Variants in GPC6 observed in about 807,000 individuals in gnomAD.
GPC6 encodes the protein glypican-6.
In GPC6, 14 loss-of-function variants were observed where a neutral mutation model predicts 55.2. The ratio of observed to expected loss-of-function variants is 0.25; its 90% CI spans 0.17 to 0.40. The LOEUF is 0.40. GPC6 is among the 10% of genes least tolerant of loss of function. The pLI is 1.00. For missense variants in GPC6, 641 were observed against 708.5 expected (o/e 0.90, Z 1.08); for synonymous variants, 278 against 259.6 (o/e 1.07, Z -0.68).
At chr13:93,386,057 G>A (rs916372797) in intron 1 of GPC6, among the ~76,000 whole-genome samples, 2 of 149,220 alleles carry the variant, frequency 1.3e-5, no homozygotes, top group African/African-American at 5.0e-5. Flanking sequence ...CACCCTCACT[G>A]GGTAATCTGG....
intron 1 of GPC6, among the ~76,000 whole-genome samples, chr13:93,312,808 G>T (rs933062571): frequency 3.3e-5 from 5 of 152,088 alleles, no homozygotes; most frequent in Non-Finnish European, 7.4e-5. Flanking sequence ...ATTTTGCTTT[G>T]TTTAAAACCT....
At chr13:93,645,759 G>T (rs972153578) in intron 2 of GPC6, among the ~76,000 whole-genome samples, 4 of 152,144 alleles carry the variant, frequency 2.6e-5, no homozygotes, top group African/African-American at 9.7e-5. Context: ...TTGCTGGGAA[G>T]TAAATAATGG....
At chr13:93,431,672 G>A (rs957815540) in intron 1 of GPC6, among the ~76,000 whole-genome samples, 2 of 152,062 alleles carry the variant, frequency 1.3e-5, no homozygotes, top group Non-Finnish European at 2.9e-5. Flanking sequence ...CATCTCTGTG[G>A]AATGATCTGA....
intron 1 of GPC6, among the ~76,000 whole-genome samples, chr13:93,526,784 T>G (rs1296669043): frequency 6.6e-6 from 1 of 152,130 alleles, no homozygotes; most frequent in African/African-American, 2.4e-5. Flanking sequence ...ATCTGATAAA[T>G]TAAGTATGTT....
At chr13:94,070,050 G>A (rs371485780) in intron 4 of GPC6, among the ~76,000 whole-genome samples, 6 of 152,126 alleles carry the variant, frequency 3.9e-5, no homozygotes, top group African/African-American at 9.7e-5. Context: ...AGACATATCC[G>A]AGACTGGGCA....
intron 1 of GPC6, among the ~76,000 whole-genome samples, chr13:93,426,327 C>G (rs1341747435): frequency 2.0e-5 from 3 of 151,826 alleles, no homozygotes. Context: ...TGCTGGTGTG[C>G]TGCACCCATT....
At chr13:94,306,261 T>A (rs1402359869) in intron 6 of GPC6, 138 bp downstream of exon 6, 4 of 835,526 alleles carry the variant, frequency 4.8e-6, no homozygotes, top group Middle Eastern at 2.2e-4. Flanking sequence ...TTAATTAGAA[T>A]ATTGAAAAGT....
At chr13:93,368,088 C>G (rs1338931659) in intron 1 of GPC6, among the ~76,000 whole-genome samples, 1 of 152,098 alleles carries the variant, frequency 6.6e-6, no homozygotes, top group African/African-American at 2.4e-5. Flanking sequence ...CCTTTTGCTT[C>G]AAATACTTTT....
chr13:93,824,394 A>G (rs567822121), intron 2 of GPC6, among the ~76,000 whole-genome samples: 10 of 152,326 alleles, frequency 6.6e-5, no homozygotes, highest in African/African-American at 2.2e-4. Flanking sequence ...CTAATGTAGC[A>G]TGCTGGGCAT....
At position 93,720,804 on chromosome 13, in the gene GPC6, G is replaced by A. The variant is rs190921830; in HGVS notation, c.320-109350G>A. On this transcript the variant is annotated intron_variant, in intron 2 of 8. Coordinates refer to ENST00000377047, the MANE Select transcript of GPC6 (RefSeq NM_005708.5). Reference sequence around the variant, plus strand: ...TGGTTTCAAATAACTTATTTATTTCGGCCTTAATTTCATTATTTACCCGGT... The same window carrying A: ...TGGTTTCAAATAACTTATTTATTTCAGCCTTAATTTCATTATTTACCCGGT... Among the ~76,000 whole-genome samples, 683 of 151,572 alleles carry A rather than the reference G, an allele frequency of 4.5e-3. 6 individuals are homozygous for A. The highest frequency in any genetic ancestry group is 0.015 in the African/African-American group (627 of 41,392).
At chr13:94,168,215 A>G (rs1024637678) in intron 4 of GPC6, among the ~76,000 whole-genome samples, 1 of 152,130 alleles carries the variant, frequency 6.6e-6, no homozygotes, top group Non-Finnish European at 1.5e-5. Context: ...TTCTATGACA[A>G]CGTCATTCTT....
intron 1 of GPC6, among the ~76,000 whole-genome samples, chr13:93,268,376 G>C (rs1458257383): frequency 6.6e-6 from 1 of 152,158 alleles, no homozygotes; most frequent in African/African-American, 2.4e-5. Context: ...ATAGAAACAA[G>C]TCTTGAATAA....
chr13:93,941,936 C>T (rs1878757759), intron 3 of GPC6, among the ~76,000 whole-genome samples: 1 of 152,074 alleles, frequency 6.6e-6, no homozygotes. Context: ...TCAATTTTGA[C>T]TCTTATTATT....
At chr13:94,282,323 T>C (rs1892407201) in intron 4 of GPC6, among the ~76,000 whole-genome samples, 1 of 152,104 alleles carries the variant, frequency 6.6e-6, no homozygotes. Context: ...CTTCTTCACA[T>C]GGCAACGTAA....
chr13:93,707,112 A>T lies in GPC6; in HGVS notation c.320-123042A>T, dbSNP rs540704338. 2.4e-4 allele frequency among the ~76,000 whole-genome samples: 37 copies of T among 151,928 alleles called. 1 individual carries two copies. In the South Asian group the frequency reaches 7.3e-3, roughly 30 times the overall value. On this transcript the variant is annotated intron_variant, in intron 2 of 8. Transcript: ENST00000377047. ...GTAATTTTCTTCTTTATACTTACCT[A>T]TAATTTCAAATTTAAAAAAATCTAT...
chr13:94,312,716 G>A (rs895049306), intron 6 of GPC6, among the ~76,000 whole-genome samples: 6 of 112,102 alleles, frequency 5.4e-5, no homozygotes, highest in South Asian at 2.6e-4. Flanking sequence ...ACGCACACGC[G>A]CACGCACACA....
intron 1 of GPC6, among the ~76,000 whole-genome samples, chr13:93,312,248 G>A (rs556296284): frequency 6.6e-6 from 1 of 152,006 alleles, no homozygotes; most frequent in Admixed American, 6.6e-5. Flanking sequence ...TTTTTGAGCA[G>A]ATTTTCTCAT....
Position 93,693,676 on chromosome 13 carries a change from A to G in GPC6, c.320-136478A>G, listed in dbSNP as rs145353107. On this transcript the variant is annotated intron_variant, in intron 2 of 8. Transcript: ENST00000377047. ...TGTATTTATATTTTTTGGTAGACAC[A>G]GGGTTTCTCCTTGTTGCCCAGGCTG... Among the ~76,000 whole-genome samples the G allele has an allele frequency of 1.7e-3, 265 of 152,146 alleles. 2 individuals carry two copies. Among genetic ancestry groups the G allele is most frequent in the African/African-American group, 6.0e-3 (250 of 41,536 alleles).
intron 3 of GPC6, among the ~76,000 whole-genome samples, chr13:93,834,829 A>G (rs1367309733): frequency 6.6e-6 from 1 of 152,178 alleles, no homozygotes. Context: ...AAGGCATGGA[A>G]GGAAGAGCTC....
Sources: allele counts gnomAD v4.1 joint callset (sites outside exome capture counted in the v4.1 genomes callset), GRCh38; gene constraint gnomAD v4.1.1; transcripts MANE v1.5; gene names NCBI Gene and HGNC (gene_info 2026-07-23, HGNC 2026-07-21).